The following CTNNA3 variants were observed in gnomAD, a reference collection of about 807,000 sequenced individuals.
The protein encoded by CTNNA3 is catenin alpha 3.
A neutral mutation model predicts 95.7 loss-of-function variants in CTNNA3; 76 were observed. The ratio of observed to expected loss-of-function variants is 0.79; its 90% CI spans 0.66 to 0.96. The LOEUF is 0.96. Ranked by LOEUF, CTNNA3 falls within the 40% of genes least tolerant of loss-of-function variation. The pLI is 0.00. For missense variants in CTNNA3, 1,191 were observed against 1,089.8 expected (o/e 1.09, Z -1.31); for synonymous variants, 431 against 374.4 (o/e 1.15, Z -1.74).
intron 13 of CTNNA3, among the ~76,000 whole-genome samples, chr10:66,159,511 T>G (rs1264225721): frequency 6.6e-6 from 1 of 152,164 alleles, no homozygotes; most frequent in Admixed American, 6.5e-5. Flanking sequence ...GAAACCCACT[T>G]GATCATGGTA....
intron 9 of CTNNA3, among the ~76,000 whole-genome samples, chr10:66,745,587 C>CT (rs368932444): frequency 0.47 from 51,779 of 109,720 alleles, 13,711 homozygotes; most frequent in African/African-American, 0.53. Context: ...TGCAGACAGC[C>CT]TTTTTTTTTT....
intron 13 of CTNNA3, among the ~76,000 whole-genome samples, chr10:66,124,015 C>G (rs2082707682): frequency 6.6e-6 from 1 of 152,204 alleles, no homozygotes; most frequent in South Asian, 2.1e-4. Context: ...TAACATTTGG[C>G]TCCTCATTAC....
chr10:66,945,014 T>A (rs1848207998), intron 7 of CTNNA3, among the ~76,000 whole-genome samples: 1 of 152,260 alleles, frequency 6.6e-6, no homozygotes, highest in Non-Finnish European at 1.5e-5. Flanking sequence ...TGATTTAGCA[T>A]CATTCTTAAG....
rs1161471198 is a variant in CTNNA3, at chr10:66,543,909, GTGTATATATATATATA to G, written c.1375-23152_1375-23137del. On this transcript the variant is annotated intron_variant, in intron 10 of 17. Transcript: ENST00000433211. Reference sequence around the variant, plus strand: ...CTAATCCTTCTTGAGATGTGTGTGTGTGTATATATATATATATATATATATATATATATATATATAT... The same window carrying G: ...CTAATCCTTCTTGAGATGTGTGTGTGTATATATATATATATATATATATAT... Among the ~76,000 whole-genome samples the G allele has an allele frequency of 3.0e-3, 29 of 9,708 alleles. 3 individuals are homozygous for G. The highest frequency in any genetic ancestry group is 2.8e-4 in the African/African-American group (1 of 3,624). The allele number at this position is 9,708 out of a possible 152,430, so 6.4% of individuals were successfully genotyped here. A position where few individuals can be genotyped will look rare whatever the true frequency, so the allele number is the denominator to read the frequency against.
At chr10:66,288,035 A>T (rs2091619470) in intron 12 of CTNNA3, among the ~76,000 whole-genome samples, 4 of 152,134 alleles carry the variant, frequency 2.6e-5, no homozygotes, top group African/African-American at 4.8e-5. Context: ...TAAGACAAAG[A>T]TGAACCCCAT....
intron 5 of CTNNA3, among the ~76,000 whole-genome samples, chr10:67,257,365 T>C (rs1792393665): frequency 6.6e-6 from 1 of 152,260 alleles, no homozygotes; most frequent in Non-Finnish European, 1.5e-5. Flanking sequence ...AATTTCAGTT[T>C]AAACTAGGAA....
intron 9 of CTNNA3, among the ~76,000 whole-genome samples, chr10:66,702,978 C>T (rs759800515): frequency 7.2e-5 from 11 of 151,972 alleles, no homozygotes; most frequent in Non-Finnish European, 1.2e-4. Context: ...GGACTATTTC[C>T]CCATTGGTCA....
chr10:67,643,774 A>C (rs2133471692), intron 2 of CTNNA3, among the ~76,000 whole-genome samples: 1 of 152,134 alleles, frequency 6.6e-6, no homozygotes, highest in East Asian at 1.9e-4. Flanking sequence ...ATGAGTGAGA[A>C]TATGTGGCGC....
chr10:67,399,266 C>T (rs1211918958), intron 5 of CTNNA3, among the ~76,000 whole-genome samples: 1 of 152,108 alleles, frequency 6.6e-6, no homozygotes, highest in Non-Finnish European at 1.5e-5. Flanking sequence ...CAAGGGTCAA[C>T]TATAAACGAA....
At chr10:66,052,249 A>G (rs2079974216) in intron 15 of CTNNA3, among the ~76,000 whole-genome samples, 1 of 152,202 alleles carries the variant, frequency 6.6e-6, no homozygotes, top group African/African-American at 2.4e-5. Flanking sequence ...CCAATTGACC[A>G]GTGAAATCAT....
intron 12 of CTNNA3, among the ~76,000 whole-genome samples, chr10:66,302,216 A>G (rs10997046): frequency 0.054 from 8,206 of 152,044 alleles, 440 homozygotes; most frequent in African/African-American, 0.13. Context: ...GATAGGACTC[A>G]GTATGGTCTA....
At chr10:66,166,877 G>A (rs1024590287) in intron 13 of CTNNA3, among the ~76,000 whole-genome samples, 2 of 152,134 alleles carry the variant, frequency 1.3e-5, no homozygotes. Flanking sequence ...AACAGGTGTC[G>A]ATAGAGTTCA....
At chr10:66,496,769 G>A (rs1411289599) in intron 11 of CTNNA3, among the ~76,000 whole-genome samples, 3 of 152,148 alleles carry the variant, frequency 2.0e-5, no homozygotes, top group East Asian at 1.9e-4. Flanking sequence ...ATTGTGCTAG[G>A]TCGTTCAGAA....
intron 11 of CTNNA3, among the ~76,000 whole-genome samples, chr10:66,471,712 C>T (rs1839139513): frequency 6.6e-6 from 1 of 151,748 alleles, no homozygotes; most frequent in Non-Finnish European, 1.5e-5. Context: ...CGTGAAAATG[C>T]TCCAACTTAA....
At chr10:66,062,257 T>C (rs1462390822) in intron 15 of CTNNA3, among the ~76,000 whole-genome samples, 1 of 152,108 alleles carries the variant, frequency 6.6e-6, no homozygotes, top group Non-Finnish European at 1.5e-5. Context: ...AAAACAGCAT[T>C]TTGTGGCACT....
chr10:66,338,214 G>A (rs2092416728), intron 12 of CTNNA3, among the ~76,000 whole-genome samples: 1 of 151,930 alleles, frequency 6.6e-6, no homozygotes, highest in Non-Finnish European at 1.5e-5. Flanking sequence ...ACCACATGTT[G>A]CATAATTCGA....
intron 17 of CTNNA3, among the ~76,000 whole-genome samples, chr10:65,946,003 C>T (rs1376798497): frequency 1.3e-5 from 2 of 152,150 alleles, no homozygotes; most frequent in African/African-American, 2.4e-5. Context: ...CCATGCCCCT[C>T]TGCTGGGCAA....
At position 67,101,263 on chromosome 10, in the gene CTNNA3, A is replaced by G. The variant is rs61868863; in HGVS notation, c.1047+79054T>C. 8.2e-3 allele frequency among the ~76,000 whole-genome samples: 1,242 copies of G among 151,870 alleles called. 9 individuals are homozygous for G. The highest frequency in any genetic ancestry group is 0.013 in the Non-Finnish European group (888 of 67,778). ...CAAAGACCTTCTAAATTGAGACTGCATAATTATAAAAGAGATCCATAGTAC... is the reference window on the plus strand; with the variant it reads ...CAAAGACCTTCTAAATTGAGACTGCGTAATTATAAAAGAGATCCATAGTAC... On this transcript the variant is annotated intron_variant, in intron 7 of 17. Coordinates refer to ENST00000433211, the MANE Select transcript of CTNNA3 (RefSeq NM_013266.4).
chr10:65,967,105 C>T (rs554263249), intron 16 of CTNNA3, among the ~76,000 whole-genome samples: 10 of 151,856 alleles, frequency 6.6e-5, no homozygotes, highest in East Asian at 3.9e-4. Context: ...TACAGGCATG[C>T]GCCACCACAC....
Sources: gnomAD v4.1 joint callset for allele counts (sites outside exome capture counted in the v4.1 genomes callset) on GRCh38, gnomAD v4.1.1 for gene constraint, MANE v1.5 for transcripts, NCBI Gene and HGNC (gene_info 2026-07-23, HGNC 2026-07-21) for gene names.